RPL39L: variants seen among roughly 807,000 people sequenced by gnomAD.
RPL39L encodes the protein ribosomal protein L39 like.
For synonymous variants in RPL39L, 16 were observed against 20.1 expected (o/e 0.80, Z 0.55); for missense variants, 48 against 58.9 (o/e 0.81, Z 0.61).
intron 1 of RPL39L, among the ~76,000 whole-genome samples, chr3:187,133,080 C>T (rs1459864973): frequency 3.3e-5 from 5 of 152,224 alleles, no homozygotes; most frequent in African/African-American, 1.2e-4. Context: ...GACATAAAGA[C>T]AGTTTGCTTC....
At chr3:187,123,786 G>C (rs1301960970) in intron 2 of RPL39L, among the ~76,000 whole-genome samples, 1 of 152,178 alleles carries the variant, frequency 6.6e-6, no homozygotes, top group Non-Finnish European at 1.5e-5. Flanking sequence ...ATAGTTTACT[G>C]TACTATTCCA....
intron 1 of RPL39L, among the ~76,000 whole-genome samples, chr3:187,128,311 T>G (rs1720432390): frequency 1.3e-5 from 2 of 152,204 alleles, no homozygotes; most frequent in Non-Finnish European, 2.9e-5. Flanking sequence ...CAAACAACAT[T>G]AATAAAATGT....
At chr3:187,134,345 G>A (rs576934325) in intron 1 of RPL39L, among the ~76,000 whole-genome samples, 2 of 152,136 alleles carry the variant, frequency 1.3e-5, no homozygotes, top group African/African-American at 4.8e-5. Flanking sequence ...TGTCACCACT[G>A]GAGGAGTGCT....
chr3:187,130,838 A>G (rs2108469287), intron 1 of RPL39L, among the ~76,000 whole-genome samples: 1 of 152,326 alleles, frequency 6.6e-6, no homozygotes, highest in African/African-American at 2.4e-5. Context: ...TTTTATATGC[A>G]GAGGTAGGGC....
chr3:187,125,136 G>A (rs546251448), intron 2 of RPL39L, among the ~76,000 whole-genome samples: 2 of 152,230 alleles, frequency 1.3e-5, no homozygotes, highest in Admixed American at 6.5e-5. Context: ...GATGCAATAC[G>A]ATATGTCTAT....
chr3:187,136,598 G>T (rs1442431028), intron 1 of RPL39L, among the ~76,000 whole-genome samples: 2 of 152,102 alleles, frequency 1.3e-5, no homozygotes, highest in Non-Finnish European at 2.9e-5. Flanking sequence ...TAGGATAAGA[G>T]TAGGTAGTGG....
Position 187,121,082 on chromosome 3 carries a change from T to A in RPL39L, c.*63A>T. ...GGTAGTGGTGACATTTTCAGCTTGA[T>A]ATCGTAAGATGATCGTGAACTTGAT... On this transcript the variant is annotated 3_prime_UTR_variant, in exon 3 of 3. Transcript: ENST00000296277. 1 of 1,569,134 alleles carries A rather than the reference T, an allele frequency of 6.4e-7. No homozygotes were observed. Among genetic ancestry groups the A allele is most frequent in the Admixed American group, 1.7e-5 (1 of 59,170 alleles).
chr3:187,139,059 A>AC (rs1720638565), intron 1 of RPL39L, among the ~76,000 whole-genome samples, 154 bp downstream of exon 1: 1 of 137,778 alleles, frequency 7.3e-6, no homozygotes, highest in Non-Finnish European at 1.5e-5. Flanking sequence ...CCCTGTCTCA[A>AC]AAAACAAACA....
At chr3:187,137,640 T>A (rs1720607146) in intron 1 of RPL39L, among the ~76,000 whole-genome samples, 1 of 152,090 alleles carries the variant, frequency 6.6e-6, no homozygotes. Context: ...ATGGCCAACA[T>A]GGTGAAACCC....
At chr3:187,127,378 C>A (rs1720415483) in intron 2 of RPL39L, among the ~76,000 whole-genome samples, 3 of 152,154 alleles carry the variant, frequency 2.0e-5, no homozygotes, top group Admixed American at 6.5e-5. Context: ...GATGCCACAC[C>A]ACACTTTGAG....
chr3:187,126,615 A>G (rs1720402530), intron 2 of RPL39L, among the ~76,000 whole-genome samples: 1 of 152,228 alleles, frequency 6.6e-6, no homozygotes, highest in South Asian at 2.1e-4. Flanking sequence ...TGGGTAAAAT[A>G]TATTTCAAAT....
intron 1 of RPL39L, among the ~76,000 whole-genome samples, chr3:187,133,636 G>A (rs77823199): frequency 0.028 from 4,289 of 152,028 alleles, 205 homozygotes; most frequent in African/African-American, 0.099. Context: ...GTCTTCTGGC[G>A]TCCTCTACCA....
intron 2 of RPL39L, among the ~76,000 whole-genome samples, chr3:187,124,154 C>A (rs1416719218): frequency 1.3e-5 from 2 of 152,224 alleles, no homozygotes; most frequent in East Asian, 1.9e-4. Context: ...CAGAGGACCT[C>A]AAGGAGTTCA....
intron 2 of RPL39L, among the ~76,000 whole-genome samples, chr3:187,122,059 T>C (rs1720319818): frequency 2.6e-5 from 4 of 152,186 alleles, no homozygotes; most frequent in Admixed American, 2.6e-4. Context: ...AAACATGCGA[T>C]TTGCTGTAAA....
chr3:187,130,220 T>G (rs1323264268), intron 1 of RPL39L, among the ~76,000 whole-genome samples: 1 of 152,226 alleles, frequency 6.6e-6, no homozygotes, highest in Non-Finnish European at 1.5e-5. Context: ...TTCACATGAG[T>G]TGATAACATC....
At chr3:187,132,947 T>C (rs1394345129) in intron 1 of RPL39L, among the ~76,000 whole-genome samples, 1 of 152,178 alleles carries the variant, frequency 6.6e-6, no homozygotes, top group East Asian at 1.9e-4. Flanking sequence ...CAAAGGGACA[T>C]GAGCACTGAA....
Position 187,137,537 on chromosome 3 carries a change from G to T in RPL39L, c.-93+1676C>A, listed in dbSNP as rs537721235. Among the ~76,000 whole-genome samples the T allele has an allele frequency of 4.0e-5, 6 of 151,898 alleles. No individual in the cohort carries two copies. In the South Asian group the frequency reaches 1.2e-3, roughly 32 times the overall value. ...AAAAAGAAAAAGAAAAATTGGCCGG[G>T]TGCGGTGGCTCACGCCTGCAATCCC... is the stretch of plus-strand genomic sequence containing the variant. On this transcript the variant is annotated intron_variant, in intron 1 of 2. Coordinates refer to ENST00000296277, the MANE Select transcript of RPL39L (RefSeq NM_052969.3).
intron 1 of RPL39L, among the ~76,000 whole-genome samples, chr3:187,137,587 C>CAGAT (rs998356396): frequency 2.6e-5 from 4 of 151,810 alleles, no homozygotes; most frequent in African/African-American, 9.7e-5. Flanking sequence ...CTGATGCGGG[C>CAGAT]AGATCATCTG....
chr3:187,126,242 ACC>A (rs1427831189), intron 2 of RPL39L, among the ~76,000 whole-genome samples: 1 of 151,012 alleles, frequency 6.6e-6, no homozygotes, highest in East Asian at 1.9e-4. Context: ...GCTCACTGCA[ACC>A]TCTGCCTCCC....
Sources: allele counts gnomAD v4.1 joint callset (sites outside exome capture counted in the v4.1 genomes callset), GRCh38; gene constraint gnomAD v4.1.1; transcripts MANE v1.5; gene names NCBI Gene and HGNC (gene_info 2026-07-23, HGNC 2026-07-21).